Variants in ADGRA2 observed in about 807,000 individuals in gnomAD.
ADGRA2 encodes G-protein coupled receptor 124.
In ADGRA2, 61 loss-of-function variants were observed where a neutral mutation model predicts 98.7. The observed-to-expected ratio is 0.62, with a 90% CI of 0.50 to 0.76. ADGRA2 has a LOEUF of 0.76. Among genes scored for constraint, ADGRA2 ranks in the 30% least tolerant of loss-of-function variants. The pLI is 0.00. For missense variants in ADGRA2, 1,712 were observed against 1,860.0 expected (o/e 0.92, Z 1.46); for synonymous variants, 858 against 831.5 (o/e 1.03, Z -0.55).
chr8:37,806,289 T>G (rs2129912636), intron 1 of ADGRA2, among the ~76,000 whole-genome samples: 2 of 152,282 alleles, frequency 1.3e-5, no homozygotes, highest in Middle Eastern at 3.4e-3. Context: ...TAGGTAGCTC[T>G]GAGCAATGAA....
intron 1 of ADGRA2, among the ~76,000 whole-genome samples, chr8:37,811,765 C>T (rs377051089): frequency 3.3e-4 from 50 of 151,782 alleles, no homozygotes; most frequent in African/African-American, 1.2e-3. Flanking sequence ...TGTGAGCCAC[C>T]GCACCTGGCC....
chr8:37,838,909 GGC>G, intron 14 of ADGRA2, 45 bp from the exon 15 acceptor site: 1 of 1,524,196 alleles, frequency 6.6e-7, no homozygotes, highest in Non-Finnish European at 8.8e-7. Context: ...CTGGGGGCCT[GGC>G]GAGGTGTCCA....
chr8:37,811,088 T>C (rs1421199401), intron 1 of ADGRA2, among the ~76,000 whole-genome samples: 1 of 117,514 alleles, frequency 8.5e-6, no homozygotes, highest in African/African-American at 3.3e-5. Context: ...CACTGCAGAC[T>C]GGGCAACAGA....
In ADGRA2 at chr8:37,841,624, C is replaced by A; in HGVS notation, c.3286C>A (p.Pro1096Thr). 1.3e-6 allele frequency: 2 copies of A among 1,536,032 alleles called. No individual in the cohort carries two copies. The highest frequency in any genetic ancestry group is 1.8e-6 in the Non-Finnish European group (2 of 1,140,776). Residue 1096 changes from proline (P) to threonine (T), a missense_variant, in exon 19 of 19, where the codon CCC (proline) becomes ACC (threonine). By Grantham distance (38) the Pro-to-Thr change is conservative. Transcript: ENST00000412232. The surrounding 1 kb of genome is among the most constrained non-coding windows in gnomAD (Gnocchi z 5.0). ...PASPAAPHAP[P>T]RALPAAAEDG... Reference sequence around the variant, plus strand: ...CTCTCCCGCGGCCCCCCATGCCCCGCCCCGGGCCCTGCCCGCCGCCGCAGA... The same window carrying A: ...CTCTCCCGCGGCCCCCCATGCCCCGACCCGGGCCCTGCCCGCCGCCGCAGA...
At chr8:37,822,675 C>T (rs1805160442) in intron 2 of ADGRA2, among the ~76,000 whole-genome samples, 1 of 152,144 alleles carries the variant, frequency 6.6e-6, no homozygotes, top group African/African-American at 2.4e-5. Context: ...GTCTATAGAT[C>T]TATAAATCTG....
rs757203001 is a variant in ADGRA2, at chr8:37,837,971, G to A, written c.2259+32G>A. On this transcript the variant is annotated intron_variant, in intron 14 of 18. Coordinates refer to ENST00000412232, the MANE Select transcript of ADGRA2 (RefSeq NM_032777.10). Reference sequence around the variant, plus strand: ...GTGAGGAGGGGTGACAAGTCGGGGGGGCAGGGACACGGGCTGGGTGGAAAA... The same window carrying A: ...GTGAGGAGGGGTGACAAGTCGGGGGAGCAGGGACACGGGCTGGGTGGAAAA... 19 of 1,437,208 alleles carry A rather than the reference G, an allele frequency of 1.3e-5. No homozygotes were observed. In the African/African-American group the frequency reaches 2.7e-4, roughly 21 times the overall value. 89.0% of individuals were successfully genotyped at this position (1,437,208 alleles called of 1,614,324 possible).
In ADGRA2 at chr8:37,841,618, G is replaced by A; in HGVS notation, c.3280G>A (p.Ala1094Thr). The A allele has an allele frequency of 1.3e-6, 2 of 1,542,916 alleles. No homozygotes were observed. The highest frequency in any genetic ancestry group is 1.7e-6 in the Non-Finnish European group (2 of 1,143,696). The change falls in exon 19 of 19, where the codon GCC (alanine) becomes ACC (threonine). Residue 1094 changes from alanine (A) to threonine (T), a missense_variant. Transcript: ENST00000412232. This position sits in a 1 kb window ranked among gnomAD's most constrained non-coding sequence, Gnocchi z 5.0. ...CPPASPAAPH[A>T]PPRALPAAAE... ...CCCTGCCTCTCCCGCGGCCCCCCAT[G>A]CCCCGCCCCGGGCCCTGCCCGCCGC...
rs1448584862 is a variant in ADGRA2 at position 37,844,236 on chromosome 8, A to G, written c.*1881A>G. On this transcript the variant is annotated 3_prime_UTR_variant, in exon 19 of 19. Coordinates refer to ENST00000412232, the MANE Select transcript of ADGRA2 (RefSeq NM_032777.10). ...CATTTTCCCATCCATCTATGAGGAA[A>G]GCCATCTCACAGAACATGGACATAG... The G allele has an allele frequency of 2.0e-6, 1 of 501,972 alleles. No homozygotes were observed. The highest frequency in any genetic ancestry group is 3.6e-6 in the Non-Finnish European group (1 of 279,468). 31.1% of individuals were successfully genotyped at this position (501,972 alleles called of 1,614,324 possible). A position where few individuals can be genotyped will look rare whatever the true frequency, so the allele number is the denominator to read the frequency against.
intron 3 of ADGRA2, 51 bp from the exon 4 acceptor site, chr8:37,829,210 C>A: frequency 7.3e-7 from 1 of 1,367,402 alleles, no homozygotes; most frequent in Non-Finnish European, 1.0e-6. Context: ...CACAAGTGGA[C>A]CCACGTGCTG....
In ADGRA2 at chr8:37,833,088, G is replaced by T; in HGVS notation, c.1176G>T (p.Gly392=). The change falls in exon 9 of 19, where the codon GGG becomes GGT. Residue 392 remains glycine (G), a synonymous_variant. Coordinates refer to ENST00000412232, the MANE Select transcript of ADGRA2 (RefSeq NM_032777.10). ...QYPFTSVPLG[G]GAPGTRASRR... is the part of the protein sequence containing the mutation. ...CCTTCACCTCAGTGCCCCTGGGCGG[G>T]GGTGCCCCGGGCACCCGAGCCTCCC... 2.5e-6 allele frequency: 4 copies of T among 1,612,268 alleles called. No homozygotes were observed. Among genetic ancestry groups the T allele is most frequent in the Non-Finnish European group, 3.4e-6 (4 of 1,179,662 alleles).
intron 8 of ADGRA2, among the ~76,000 whole-genome samples, chr8:37,831,952 C>G (rs1386804381): frequency 6.6e-6 from 1 of 152,098 alleles, no homozygotes; most frequent in African/African-American, 2.4e-5. Context: ...CCCAACTACT[C>G]AGGAGGCTGA....
chr8:37,829,062 G>A (rs1347773821), intron 3 of ADGRA2, 103 bp downstream of exon 3: 6 of 605,960 alleles, frequency 9.9e-6, no homozygotes, highest in Admixed American at 5.6e-5. Context: ...CCCCACACCT[G>A]CCCCTCCTTT....
In ADGRA2 at chr8:37,841,866, G is replaced by T. The variant is rs778570827; in HGVS notation, c.3528G>T (p.Val1176=). Residue 1176 remains valine (V), a synonymous_variant, in exon 19 of 19, where the codon GTG becomes GTT. Transcript: ENST00000412232. This position sits in a 1 kb window ranked among gnomAD's most constrained non-coding sequence, Gnocchi z 5.0. ...TCGCCCACCGCCACCCCAACAACGT[G>T]CACCACGGGCGTCGGGCGCACAAGA... The part of the protein sequence containing the change: ...GNLAHRHPNN[V]HHGRRAHKSR... 1 of 1,534,726 alleles carries T rather than the reference G, an allele frequency of 6.5e-7. No individual in the cohort carries two copies. The highest frequency in any genetic ancestry group is 1.2e-5 in the South Asian group (1 of 84,058).
At position 37,835,550 on chromosome 8, in the gene ADGRA2, C is replaced by A. The variant is rs768998546; in HGVS notation, c.1834-4C>A. 1 of 1,600,636 alleles carries A rather than the reference C, an allele frequency of 6.2e-7. No individual in the cohort carries two copies. Among genetic ancestry groups the A allele is most frequent in the Admixed American group, 1.7e-5 (1 of 59,992 alleles). ...GTCTCTGAGGAGCTCCTATGTCCCC[C>A]CAGAACAGCGTGGCCCTGGCCTCCA... On this transcript the variant is annotated splice_polypyrimidine_tract_variant and splice_region_variant and intron_variant, in intron 12 of 18. Transcript: ENST00000412232.
rs138505796 is a variant in ADGRA2 at position 37,833,176 on chromosome 8, G to A, written c.1264G>A (p.Asp422Asn). 86 of 1,612,742 alleles carry A rather than the reference G, an allele frequency of 5.3e-5. No individual in the cohort carries two copies. The highest frequency in any genetic ancestry group is 6.7e-5 in the Non-Finnish European group (79 of 1,179,728). The change falls in exon 9 of 19, where the codon GAC becomes AAC. Residue 422 changes from aspartate (D) to asparagine (N), a missense_variant. Transcript: ENST00000412232. ...CTACTCCCACTGTCTCTACACCAAC[G>A]ACATCACCAGGGTGCTGTACACCTT... ...GDYSHCLYTNDITRVLYTFVL... is the reference protein window; with the variant it reads ...GDYSHCLYTNNITRVLYTFVL...
chr8:37,826,135 G>C (rs1359454275), intron 2 of ADGRA2, among the ~76,000 whole-genome samples: 1 of 152,166 alleles, frequency 6.6e-6, no homozygotes, highest in Non-Finnish European at 1.5e-5. Flanking sequence ...AGCGGGGAGG[G>C]AAGGGGGGCT....
chr8:37,842,379 CGGGCTGG>C lies in ADGRA2; in HGVS notation c.*25_*31del. The C allele has an allele frequency of 6.9e-7, 1 of 1,447,032 alleles. No homozygotes were observed. The highest frequency in any genetic ancestry group is 9.1e-7 in the Non-Finnish European group (1 of 1,101,944). The allele number at this position is 1,447,032 out of a possible 1,614,324, so 89.6% of individuals were successfully genotyped here. A position where few individuals can be genotyped will look rare whatever the true frequency, so the allele number is the denominator to read the frequency against. ...AAGGTGGGGCGGGCGACGCGGTAGACGGGCTGGCCACGCGGCTCGTTCCCCCGCTCCT... is the reference window on the plus strand; with the variant it reads ...AAGGTGGGGCGGGCGACGCGGTAGACCCACGCGGCTCGTTCCCCCGCTCCT... On this transcript the variant is annotated 3_prime_UTR_variant, in exon 19 of 19. Transcript: ENST00000412232.
chr8:37,798,028 C>A (rs1035425535), intron 1 of ADGRA2, among the ~76,000 whole-genome samples: 1 of 152,200 alleles, frequency 6.6e-6, no homozygotes, highest in Non-Finnish European at 1.5e-5. Flanking sequence ...GGGGTCATCC[C>A]ATCCTTGCCC....
chr8:37,831,314 C>A, intron 7 of ADGRA2, 109 bp from the exon 8 acceptor site: 2 of 1,006,002 alleles, frequency 2.0e-6, no homozygotes, highest in South Asian at 1.5e-5. Context: ...TCCCTTGTTT[C>A]ATTAAAGAAA....
Sources: gnomAD v4.1 joint callset for allele counts (sites outside exome capture counted in the v4.1 genomes callset) on GRCh38, gnomAD v4.1.1 for gene constraint, Gnocchi (gnomAD v3.1) non-coding constraint, MANE v1.5 for transcripts, NCBI Gene and HGNC (gene_info 2026-07-23, HGNC 2026-07-21) for gene names.